Variants in RPGRIP1L observed in about 807,000 individuals in gnomAD.
RPGRIP1L encodes the protein protein fantom.
A neutral mutation model predicts 160.4 loss-of-function variants in RPGRIP1L; 131 were observed. That is an observed-to-expected ratio of 0.82 (90% confidence interval 0.71 to 0.94). RPGRIP1L has a LOEUF of 0.94. Ranked by LOEUF, RPGRIP1L falls within the 40% of genes least tolerant of loss-of-function variation. RPGRIP1L has a pLI of 0.00. For synonymous variants in RPGRIP1L, 510 were observed against 515.8 expected (o/e 0.99, Z 0.15); for missense variants, 1,522 against 1,535.8 (o/e 0.99, Z 0.15).
At chr16:53,641,649 T>C (rs769963134) in intron 17 of RPGRIP1L, among the ~76,000 whole-genome samples, 174 bp from the exon 18 acceptor site, 1 of 152,186 alleles carries the variant, frequency 6.6e-6, no homozygotes, top group Non-Finnish European at 1.5e-5. Flanking sequence ...AGAATTCAGA[T>C]GGCTTAGAGA....
intron 6 of RPGRIP1L, among the ~76,000 whole-genome samples, chr16:53,678,549 T>A (rs1276597041): frequency 2.0e-5 from 3 of 151,992 alleles, no homozygotes; most frequent in African/African-American, 7.3e-5. Flanking sequence ...GGCATTCAAT[T>A]CCCCTCCCCC....
intron 14 of RPGRIP1L, 186 bp from the exon 15 acceptor site, chr16:53,653,173 C>T (rs1054387178): frequency 2.4e-6 from 1 of 423,548 alleles, no homozygotes; most frequent in Non-Finnish European, 3.2e-6. Flanking sequence ...TTTGACATCA[C>T]TTATTAGGCA....
chr16:53,616,011 G>A (rs187927175), intron 24 of RPGRIP1L, among the ~76,000 whole-genome samples: 56 of 152,270 alleles, frequency 3.7e-4, no homozygotes, highest in African/African-American at 1.3e-3. Context: ...CTCATTTTAT[G>A]TACCTAATTT....
intron 3 of RPGRIP1L, among the ~76,000 whole-genome samples, chr16:53,693,037 C>A (rs1970493529): frequency 6.6e-6 from 1 of 152,128 alleles, no homozygotes; most frequent in South Asian, 2.1e-4. Context: ...GGAGTTTATA[C>A]CTTTGATTCT....
chr16:53,697,338 T>C (rs531550741), intron 2 of RPGRIP1L, among the ~76,000 whole-genome samples: 9 of 145,706 alleles, frequency 6.2e-5, no homozygotes, highest in African/African-American at 2.3e-4. Flanking sequence ...CCTCTCCCTC[T>C]CCCCACGGTC....
rs754491479 is a variant in RPGRIP1L at position 53,619,111 on chromosome 16, C to T, written c.3530G>A (p.Arg1177Gln). The change falls in exon 24 of 27, where the codon CGA becomes CAA. Residue 1177 changes from arginine (R) to glutamine (Q), a missense_variant. Physicochemically the swap from Arg to Gln is conservative, Grantham distance 43 (BLOSUM62 1). Transcript: ENST00000647211. The stretch of plus-strand genomic sequence containing the variant: ...CTCTTCAGCAGGAAGACTGTAGAAT[C>T]GACACTCAACAAACAGCCGTTGGAT... ...DTIQRLFVEC[R>Q]FYSLPAEETP... 16 of 1,613,832 alleles carry T rather than the reference C, an allele frequency of 9.9e-6. No individual in the cohort carries two copies. Among genetic ancestry groups the T allele is most frequent in the Non-Finnish European group, 1.1e-5 (13 of 1,179,900 alleles).
rs1970438037 is a variant in RPGRIP1L at position 53,692,279 on chromosome 16, C to T, written c.316G>A (p.Val106Met). The T allele has an allele frequency of 1.2e-6, 2 of 1,614,032 alleles. No individual in the cohort carries two copies. The highest frequency in any genetic ancestry group is 1.3e-5 in the African/African-American group (1 of 74,906). Residue 106 changes from valine to methionine, a missense_variant, in exon 4 of 27, where the codon GTG becomes ATG. Val to Met is a conservative substitution (Grantham distance 21). Transcript: ENST00000647211. ...TGCTCAATCATTTCTTCCATTTCCA[C>T]ATCTCGTCCCAGCCGCTTGGGGCCG... is the stretch of plus-strand genomic sequence containing the variant. ...GGGPKRLGRD[V>M]EMEEMIEQLQ...
chr16:53,698,599 T>C (rs1336173826), intron 2 of RPGRIP1L, among the ~76,000 whole-genome samples: 13 of 131,172 alleles, frequency 9.9e-5, no homozygotes, highest in Non-Finnish European at 1.6e-4. Context: ...GGGGCGCCTC[T>C]GCCCGGCCGC....
At chr16:53,661,990 T>A (rs1191448379) in intron 10 of RPGRIP1L, among the ~76,000 whole-genome samples, 1 of 152,200 alleles carries the variant, frequency 6.6e-6, no homozygotes. Flanking sequence ...ACTGAAATGC[T>A]ATAGTTCAAA....
At position 53,607,569 on chromosome 16, in the gene RPGRIP1L, T is replaced by C. The variant is rs374922087; in HGVS notation, c.3702-1955A>G. Among the ~76,000 whole-genome samples, 52 of 152,316 alleles carry C rather than the reference T, an allele frequency of 3.4e-4. 2 individuals carry two copies. The South Asian group carries it at 8.9e-3, about 26-fold the overall frequency. On this transcript the variant is annotated intron_variant, in intron 25 of 26. Transcript: ENST00000647211. Reference sequence around the variant, plus strand: ...ATAACACAAGACTTACAGAAAAGACTGAGGCTATGCAGACTGTAATAATAA... The same window carrying C: ...ATAACACAAGACTTACAGAAAAGACCGAGGCTATGCAGACTGTAATAATAA...
intron 22 of RPGRIP1L, among the ~76,000 whole-genome samples, chr16:53,630,804 G>A (rs988343850): frequency 2.0e-5 from 3 of 151,922 alleles, no homozygotes; most frequent in African/African-American, 7.3e-5. Context: ...GTGCAATCTC[G>A]ACTCACTGCA....
Position 53,671,553 on chromosome 16 carries a change from C to A in RPGRIP1L, c.1060G>T (p.Glu354Ter), listed in dbSNP as rs1968730037. Residue 354 changes from glutamate (E) to a stop codon, truncating the protein, a stop_gained, in exon 9 of 27, where the codon GAA (glutamate) becomes TAA (stop). Transcript: ENST00000647211. LOFTEE classifies it high-confidence loss of function. The part of the protein sequence containing the change: ...LQDRINDLEK[E>*]RELLKENYDK... ...TAGTTTTCCTTTAAAAGTTCCCGTT[C>A]CTTTTCTAAATCATTAATTCTATCC... is the stretch of plus-strand genomic sequence containing the variant. 6.4e-7 allele frequency: 1 copy of A among 1,569,576 alleles called. No homozygotes were observed. The highest frequency in any genetic ancestry group is 1.4e-5 in the African/African-American group (1 of 73,946).
At chr16:53,679,399 A>AT (rs796255961) in intron 6 of RPGRIP1L, among the ~76,000 whole-genome samples, 1 of 150,660 alleles carries the variant, frequency 6.6e-6, no homozygotes, top group East Asian at 2.0e-4. Flanking sequence ...TGGGAATCTG[A>AT]TTTTTTTTTC....
At chr16:53,605,681 C>A in intron 25 of RPGRIP1L, 67 bp from the exon 26 acceptor site, 1 of 1,528,868 alleles carries the variant, frequency 6.5e-7, no homozygotes, top group East Asian at 2.3e-5. Flanking sequence ...ACAAAACTCC[C>A]AAATGGGGTG....
In RPGRIP1L at chr16:53,696,234, T is replaced by C. The variant is rs748560707; in HGVS notation, c.147A>G (p.Glu49=). 1.7e-5 allele frequency: 27 copies of C among 1,613,958 alleles called. No individual in the cohort carries two copies. Among genetic ancestry groups the C allele is most frequent in the Non-Finnish European group, 2.2e-5 (26 of 1,179,960 alleles). The change falls in exon 3 of 27, where the codon GAA becomes GAG. Residue 49 remains glutamate, a synonymous_variant. Coordinates refer to ENST00000647211, the MANE Select transcript of RPGRIP1L (RefSeq NM_015272.5). ...RQAVSRVSRE[E]LEDRFLRLHD... ...GCAAACGCAAAAATCTGTCTTCCAG[T>C]TCCTCACGACTGACACGTGACACTG...
chr16:53,613,129 AC>A (rs1447294376), intron 24 of RPGRIP1L, among the ~76,000 whole-genome samples: 1 of 152,178 alleles, frequency 6.6e-6, no homozygotes, highest in African/African-American at 2.4e-5. Flanking sequence ...ATATGTATAT[AC>A]CACATTTTGT....
At chr16:53,665,600 T>C (rs1968177447) in intron 9 of RPGRIP1L, among the ~76,000 whole-genome samples, 1 of 152,084 alleles carries the variant, frequency 6.6e-6, no homozygotes, top group African/African-American at 2.4e-5. Flanking sequence ...TGTAACACGA[T>C]TGGAATGAAA....
intron 4 of RPGRIP1L, among the ~76,000 whole-genome samples, chr16:53,688,957 C>G (rs891974779): frequency 2.0e-5 from 3 of 151,698 alleles, no homozygotes; most frequent in African/African-American, 7.3e-5. Flanking sequence ...CTAATTCTTA[C>G]GCTTTTCCTA....
rs1447076017 is a variant in RPGRIP1L, at chr16:53,687,969, A to C, written c.530-4T>G. 1.3e-6 allele frequency: 2 copies of C among 1,497,348 alleles called. No individual in the cohort carries two copies. Among genetic ancestry groups the C allele is most frequent in the Admixed American group, 3.3e-5 (2 of 59,828 alleles). The allele number at this position is 1,497,348 out of a possible 1,614,324, so 92.8% of individuals were successfully genotyped here. On this transcript the variant is annotated splice_polypyrimidine_tract_variant and splice_region_variant and intron_variant, in intron 4 of 26. Coordinates refer to ENST00000647211, the MANE Select transcript of RPGRIP1L (RefSeq NM_015272.5). ...TCTGCATCTTGGAATTTTATACCTA[A>C]AAACAAAGTAATAAAATATGATTAC...
Sources: allele counts gnomAD v4.1 joint callset (sites outside exome capture counted in the v4.1 genomes callset), GRCh38; gene constraint gnomAD v4.1.1; transcripts MANE v1.5; gene names NCBI Gene and HGNC (gene_info 2026-07-23, HGNC 2026-07-21).